The following EDEM1 variants were observed in gnomAD, a reference collection of about 807,000 sequenced individuals.
The protein encoded by EDEM1 is ER degradation enhancing alpha-mannosidase like protein 1, also known as ER degradation-enhancing alpha-mannosidase-like protein 1.
A neutral mutation model predicts 74.4 loss-of-function variants in EDEM1; 67 were observed. The observed-to-expected ratio is 0.90, with a 90% CI of 0.74 to 1.10. EDEM1 has a LOEUF of 1.10. EDEM1 is among the 50% of genes least tolerant of loss of function. The pLI is 0.00. For missense variants in EDEM1, 926 were observed against 851.6 expected, an observed-to-expected ratio of 1.09 and a Z score of -1.09; for synonymous variants, 382 against 335.9, an observed-to-expected ratio of 1.14 and a Z score of -1.50.
At chr3:5,195,774 T>C (rs1473508878) in intron 2 of EDEM1, among the ~76,000 whole-genome samples, 2 of 152,212 alleles carry the variant, frequency 1.3e-5, no homozygotes, top group Non-Finnish European at 2.9e-5. Flanking sequence ...TTGTGGACAC[T>C]CCATGCCTGA....
chr3:5,202,735 C>T (rs1257231329), intron 4 of EDEM1, among the ~76,000 whole-genome samples: 1 of 152,162 alleles, frequency 6.6e-6, no homozygotes, highest in Non-Finnish European at 1.5e-5. Context: ...ATAGCCATTC[C>T]CTGAAGACTT....
At position 5,188,060 on chromosome 3, in the gene EDEM1, G is replaced by A. The variant is rs2054848487; in HGVS notation, c.255G>A (p.Lys85=). 1 of 1,436,224 alleles carries A rather than the reference G, an allele frequency of 7.0e-7. No homozygotes were observed. Among genetic ancestry groups the A allele is most frequent in the Non-Finnish European group, 9.1e-7 (1 of 1,096,440 alleles). 89.0% of individuals were successfully genotyped at this position (1,436,224 alleles called of 1,614,324 possible). ...PGTGAAQSPR[K]APRRPGPGMC... is the part of the protein sequence containing the mutation. ...CCGGGGCAGCGCAGAGCCCGCGCAA[G>A]GCTCCGCGGCGTCCTGGGCCGGGGA... Residue 85 remains lysine, a synonymous_variant, in exon 1 of 12, where the codon AAG becomes AAA. Transcript: ENST00000256497.
chr3:5,210,210 G>C lies in EDEM1; in HGVS notation c.1545G>C (p.Met515Ile). 7 of 1,614,212 alleles carry C rather than the reference G, an allele frequency of 4.3e-6. No homozygotes were observed. Among genetic ancestry groups the C allele is most frequent in the Non-Finnish European group, 5.9e-6 (7 of 1,180,016 alleles). Residue 515 changes from methionine to isoleucine, a missense_variant, in exon 9 of 12, where the codon ATG (methionine) becomes ATC (isoleucine). Met to Ile is a conservative substitution (Grantham distance 10). Coordinates refer to ENST00000256497, the MANE Select transcript of EDEM1 (RefSeq NM_014674.3). ...TKNPFYLHVG[M>I]DILQSLEKYT... The stretch of plus-strand genomic sequence containing the variant: ...ATCCCTTCTACCTCCATGTAGGAAT[G>C]GATATTCTGCAGAGTCTGGAAAAGT...
rs2055271875 is a variant in EDEM1, at chr3:5,218,644, T to C, written c.*2726T>C. On this transcript the variant is annotated 3_prime_UTR_variant, in exon 12 of 12. Coordinates refer to ENST00000256497, the MANE Select transcript of EDEM1 (RefSeq NM_014674.3). ...GTGGAAACATTTTGCAGAACTGTTG[T>C]AGAAAGCTGCCTTATAGTTGGCTTG... The C allele has an allele frequency of 1.3e-5, 2 of 152,184 alleles. No homozygotes were observed. The highest frequency in any genetic ancestry group is 2.4e-5 in the African/African-American group (1 of 41,446). 9.4% of individuals were successfully genotyped at this position (152,184 alleles called of 1,614,324 possible). A position where few individuals can be genotyped will look rare whatever the true frequency, so the allele number is the denominator to read the frequency against.
chr3:5,204,295 C>A (rs2055068841), intron 5 of EDEM1, among the ~76,000 whole-genome samples: 1 of 152,006 alleles, frequency 6.6e-6, no homozygotes, highest in Non-Finnish European at 1.5e-5. Flanking sequence ...TCATTTGTTT[C>A]CAGGTTGTTG....
chr3:5,188,476 C>A (rs945161434), intron 1 of EDEM1, 162 bp downstream of exon 1: 5 of 790,862 alleles, frequency 6.3e-6, no homozygotes, highest in Non-Finnish European at 8.6e-6. Flanking sequence ...CCTGTGAAGA[C>A]CCCCGAGCTT....
intron 1 of EDEM1, among the ~76,000 whole-genome samples, chr3:5,190,124 A>G (rs1203765315): frequency 6.6e-6 from 1 of 152,116 alleles, no homozygotes; most frequent in Non-Finnish European, 1.5e-5. Flanking sequence ...AAATCCCACC[A>G]GCTATTTTAA....
At chr3:5,210,962 C>T (rs2055160074) in intron 9 of EDEM1, among the ~76,000 whole-genome samples, 158 bp from the exon 10 acceptor site, 2 of 152,130 alleles carry the variant, frequency 1.3e-5, no homozygotes, top group South Asian at 4.1e-4. Flanking sequence ...TGCAAACAAC[C>T]CAGGCTATAA....
At position 5,188,272 on chromosome 3, in the gene EDEM1, A is replaced by G. The variant is rs905879215; in HGVS notation, c.467A>G (p.Asn156Ser). The G allele has an allele frequency of 7.7e-6, 12 of 1,553,502 alleles. No individual in the cohort carries two copies. The highest frequency in any genetic ancestry group is 1.7e-4 in the Middle Eastern group (1 of 5,912). The change falls in exon 1 of 12, where the codon AAC becomes AGC. Residue 156 changes from asparagine (N) to serine (S), a missense_variant. Coordinates refer to ENST00000256497, the MANE Select transcript of EDEM1 (RefSeq NM_014674.3). ...CACGCCTTCCCCCAGGACGAGCTCA[A>G]CCCCATCCACTGCCGCGGCCGTGGG... The part of the protein sequence containing the change: ...MAHAFPQDEL[N>S]PIHCRGRGPD...
At chr3:5,214,337 A>G (rs962247535) in intron 11 of EDEM1, among the ~76,000 whole-genome samples, 2 of 152,186 alleles carry the variant, frequency 1.3e-5, no homozygotes, top group Non-Finnish European at 2.9e-5. Context: ...TTGCCTTGGC[A>G]TTAGGGGTGC....
rs750481624 is a variant in EDEM1 at position 5,217,653 on chromosome 3, A to G, written c.*1735A>G. 4 of 152,644 alleles carry G rather than the reference A, an allele frequency of 2.6e-5. No homozygotes were observed. The highest frequency in any genetic ancestry group is 5.9e-5 in the Non-Finnish European group (4 of 68,048). The allele number at this position is 152,644 out of a possible 1,614,324, so 9.5% of individuals were successfully genotyped here. A position where few individuals can be genotyped will look rare whatever the true frequency, so the allele number is the denominator to read the frequency against. On this transcript the variant is annotated 3_prime_UTR_variant, in exon 12 of 12. Coordinates refer to ENST00000256497, the MANE Select transcript of EDEM1 (RefSeq NM_014674.3). ...CAACAATTGTTTTAAAATAGAAAAA[A>G]TAAAATGCTTCTATTTTACCTTTTT...
At chr3:5,194,384 C>T (rs756887431) in intron 1 of EDEM1, among the ~76,000 whole-genome samples, 30 of 152,162 alleles carry the variant, frequency 2.0e-4, no homozygotes, top group Non-Finnish European at 4.0e-4. Context: ...TTTACTAGTT[C>T]TTCATCCCTA....
chr3:5,208,743 T>TTGTG (rs537035240), intron 8 of EDEM1, among the ~76,000 whole-genome samples: 1 of 149,334 alleles, frequency 6.7e-6, no homozygotes, highest in Non-Finnish European at 1.5e-5. Context: ...ATGTTTGTGT[T>TTGTG]TGTGTGTGTG....
chr3:5,202,830 T>A, intron 4 of EDEM1, 136 bp from the exon 5 acceptor site: 2 of 657,050 alleles, frequency 3.0e-6, no homozygotes, highest in Admixed American at 6.1e-5. Flanking sequence ...ACCTCAGATG[T>A]ATCTTGGAAG....
intron 1 of EDEM1, among the ~76,000 whole-genome samples, chr3:5,188,733 A>G (rs762700112): frequency 1.1e-4 from 17 of 152,180 alleles, no homozygotes; most frequent in African/African-American, 4.1e-4. Context: ...CCTCAGAACA[A>G]GCCTTTACCT....
chr3:5,204,677 C>T (rs902621171), intron 5 of EDEM1, among the ~76,000 whole-genome samples: 7 of 152,164 alleles, frequency 4.6e-5, no homozygotes, highest in African/African-American at 1.7e-4. Flanking sequence ...TAAGTGTGAG[C>T]CATCATGCCT....
chr3:5,199,257 G>A (rs1375314517), intron 2 of EDEM1, among the ~76,000 whole-genome samples: 1 of 152,230 alleles, frequency 6.6e-6, no homozygotes, highest in African/African-American at 2.4e-5. Flanking sequence ...CCTGCCAGAA[G>A]TTTTAGAAAC....
chr3:5,199,752 A>AC, intron 3 of EDEM1, 57 bp downstream of exon 3: 1 of 1,466,592 alleles, frequency 6.8e-7, no homozygotes, highest in Non-Finnish European at 9.4e-7. Context: ...GTGTTTAAAG[A>AC]AAAAAATACC....
Position 5,188,383 on chromosome 3 carries a change from G to A in EDEM1, c.509+69G>A, listed in dbSNP as rs2054856088. ...CTTCCGCCCTCCGCGCCGGGGTGCA[G>A]CCCTCTGTCCTCCGGGGCCCCCGAG... is the stretch of plus-strand genomic sequence containing the variant. On this transcript the variant is annotated intron_variant, in intron 1 of 11. Transcript: ENST00000256497. The A allele has an allele frequency of 2.2e-6, 3 of 1,343,898 alleles. No homozygotes were observed. In the South Asian group the frequency reaches 6.0e-5, roughly 27 times the overall value. The allele number at this position is 1,343,898 out of a possible 1,614,324, so 83.2% of individuals were successfully genotyped here.
Sources: gnomAD v4.1 joint callset for allele counts (sites outside exome capture counted in the v4.1 genomes callset) on GRCh38, gnomAD v4.1.1 for gene constraint, MANE v1.5 for transcripts, NCBI Gene and HGNC (gene_info 2026-07-23, HGNC 2026-07-21) for gene names.